PSD3: variants seen among roughly 807,000 people sequenced by gnomAD.
PSD3 encodes the protein PH and SEC7 domain-containing protein 3.
A neutral mutation model predicts 105.5 loss-of-function variants in PSD3; 49 were observed. That is an observed-to-expected ratio of 0.46 (90% CI 0.37 to 0.59). The LOEUF is 0.59. PSD3 is among the 20% of genes least tolerant of loss of function. PSD3 has a pLI of 0.00. For synonymous variants in PSD3, 557 were observed against 457.8 expected, an observed-to-expected ratio of 1.22 and a Z score of -2.77; for missense variants, 1,561 against 1,263.8, an observed-to-expected ratio of 1.24 and a Z score of -3.57.
At position 18,836,617 on chromosome 8, in the gene PSD3, G is replaced by A. The variant is rs370341997; in HGVS notation, c.1634+31057C>T. Among the ~76,000 whole-genome samples, 118 of 152,190 alleles carry A rather than the reference G, an allele frequency of 7.8e-4. 2 individuals carry two copies. In the South Asian group the frequency reaches 0.024, roughly 31 times the overall value. On this transcript the variant is annotated intron_variant, in intron 4 of 15. Transcript: ENST00000327040. ...AGGGATTAGTTCCAGGGTCCTTTCTGGATACCACAATTTATGGACGCTCCA... is the reference window on the plus strand; with the variant it reads ...AGGGATTAGTTCCAGGGTCCTTTCTAGATACCACAATTTATGGACGCTCCA...
chr8:19,011,383 T>C (rs954050739), intron 1 of PSD3, among the ~76,000 whole-genome samples: 1 of 152,214 alleles, frequency 6.6e-6, no homozygotes, highest in Non-Finnish European at 1.5e-5. Context: ...GGACATGTTT[T>C]TTCAATGTAA....
At chr8:18,679,452 G>A (rs534907251) in intron 9 of PSD3, among the ~76,000 whole-genome samples, 6 of 152,232 alleles carry the variant, frequency 3.9e-5, no homozygotes, top group South Asian at 2.1e-4. Flanking sequence ...CCTTTAACAC[G>A]TTTATGGTTA....
chr8:18,780,680 A>C (rs1808524524), intron 8 of PSD3, among the ~76,000 whole-genome samples: 1 of 152,068 alleles, frequency 6.6e-6, no homozygotes, highest in African/African-American at 2.4e-5. Context: ...CAGCCTCCTG[A>C]GTAGCTGGGA....
chr8:18,909,672 T>C (rs1040614616), intron 2 of PSD3, among the ~76,000 whole-genome samples: 17 of 152,070 alleles, frequency 1.1e-4, no homozygotes, highest in African/African-American at 3.9e-4. Context: ...TTAGTAGAGA[T>C]GGAGTTTCAC....
chr8:18,707,829 G>C (rs1278800919), intron 9 of PSD3, among the ~76,000 whole-genome samples: 3 of 152,190 alleles, frequency 2.0e-5, no homozygotes, highest in Admixed American at 1.3e-4. Context: ...GACGCAAAAA[G>C]GAAAGCCTGA....
intron 9 of PSD3, among the ~76,000 whole-genome samples, chr8:18,725,742 G>C (rs536609973): frequency 4.6e-5 from 7 of 152,172 alleles, no homozygotes; most frequent in Middle Eastern, 3.4e-3. Context: ...TCATCTCCTA[G>C]GTTATTGGCC....
intron 12 of PSD3, 47 bp downstream of exon 12, chr8:18,600,317 A>T: frequency 6.7e-7 from 1 of 1,496,666 alleles, no homozygotes; most frequent in Non-Finnish European, 9.3e-7. Flanking sequence ...GACCTCATGT[A>T]ATTATTTCAT....
chr8:18,695,847 G>C (rs1429811039), intron 9 of PSD3, among the ~76,000 whole-genome samples: 2 of 152,144 alleles, frequency 1.3e-5, no homozygotes, highest in African/African-American at 4.8e-5. Flanking sequence ...GTAACAAGAA[G>C]GAGTATGAAA....
chr8:18,692,899 C>G (rs1358420709), intron 9 of PSD3, among the ~76,000 whole-genome samples: 1 of 152,130 alleles, frequency 6.6e-6, no homozygotes, highest in Non-Finnish European at 1.5e-5. Flanking sequence ...AATTAAAATT[C>G]AAACTTTAAT....
chr8:18,645,777 ACCT>A (rs1022864914), intron 10 of PSD3, among the ~76,000 whole-genome samples: 1 of 152,190 alleles, frequency 6.6e-6, no homozygotes, highest in African/African-American at 2.4e-5. Context: ...TTGTATGAGC[ACCT>A]CAAGTGGAGA....
intron 1 of PSD3, among the ~76,000 whole-genome samples, chr8:18,972,499 A>G (rs545950685): frequency 6.6e-6 from 1 of 152,358 alleles, no homozygotes; most frequent in Admixed American, 6.5e-5. Context: ...ACAACAAAAC[A>G]GTACCTCCAC....
At chr8:19,037,588 A>C (rs187352729) in intron 1 of PSD3, among the ~76,000 whole-genome samples, 3 of 152,368 alleles carry the variant, frequency 2.0e-5, no homozygotes, top group Non-Finnish European at 2.9e-5. Context: ...CATCCTCACC[A>C]ATATGAATGG....
At chr8:18,818,117 C>T (rs1038619848) in intron 4 of PSD3, among the ~76,000 whole-genome samples, 15 of 152,068 alleles carry the variant, frequency 9.9e-5, no homozygotes, top group African/African-American at 3.6e-4. Flanking sequence ...CTACGCTTGG[C>T]TAATTTTTTT....
intron 4 of PSD3, among the ~76,000 whole-genome samples, chr8:18,841,322 A>G (rs1367324324): frequency 6.6e-6 from 1 of 152,234 alleles, no homozygotes; most frequent in Non-Finnish European, 1.5e-5. Context: ...ACTAAAACAC[A>G]GCACCTTGGG....
At chr8:18,670,848 C>T (rs17644644) in intron 9 of PSD3, among the ~76,000 whole-genome samples, 26 of 152,154 alleles carry the variant, frequency 1.7e-4, no homozygotes, top group Non-Finnish European at 3.2e-4. Flanking sequence ...TGACTGACTC[C>T]GGACACAGCA....
intron 1 of PSD3, among the ~76,000 whole-genome samples, chr8:18,997,493 G>A (rs1448992943): frequency 1.3e-5 from 2 of 151,926 alleles, no homozygotes; most frequent in Non-Finnish European, 2.9e-5. Flanking sequence ...CCCCGCTTCA[G>A]TCTATTCTCA....
At chr8:18,837,231 G>A (rs969234009) in intron 4 of PSD3, among the ~76,000 whole-genome samples, 4 of 152,190 alleles carry the variant, frequency 2.6e-5, no homozygotes, top group Middle Eastern at 3.4e-3. Context: ...AATGTGAGAC[G>A]CTCTTGAACC....
chr8:18,808,094 T>C (rs1811356816), intron 4 of PSD3, among the ~76,000 whole-genome samples: 1 of 152,244 alleles, frequency 6.6e-6, no homozygotes, highest in Admixed American at 6.5e-5. Flanking sequence ...ATGGTTACTT[T>C]GTGTTTTCCC....
At chr8:18,945,640 C>T (rs562063755) in intron 1 of PSD3, among the ~76,000 whole-genome samples, 1 of 152,324 alleles carries the variant, frequency 6.6e-6, no homozygotes, top group East Asian at 1.9e-4. Context: ...CAAATACACA[C>T]TTTATATCTA....
Sources: gnomAD v4.1 joint callset for allele counts (sites outside exome capture counted in the v4.1 genomes callset) on GRCh38, gnomAD v4.1.1 for gene constraint, MANE v1.5 for transcripts, NCBI Gene and HGNC (gene_info 2026-07-23, HGNC 2026-07-21) for gene names.